The following DLGAP1 variants were observed in gnomAD, a reference collection of about 807,000 sequenced individuals.
DLGAP1 encodes DLG associated protein 1, also known as disks large-associated protein 1.
DLGAP1 carries 11 observed loss-of-function variants against 90.8 expected under a neutral mutation model. The ratio of observed to expected loss-of-function variants is 0.12; its 90% confidence interval spans 0.08 to 0.20. DLGAP1 has a LOEUF of 0.20. DLGAP1 is among the 10% of genes least tolerant of loss of function. The pLI is 1.00. For synonymous variants in DLGAP1, 558 were observed against 540.7 expected (o/e 1.03, Z -0.44); for missense variants, 1,050 against 1,333.8 (o/e 0.79, Z 3.31).
At chr18:3,567,675 A>G in intron 8 of DLGAP1, 94 bp from the exon 9 acceptor site, 1 of 1,114,750 alleles carries the variant, frequency 9.0e-7, no homozygotes, top group East Asian at 2.4e-5. Flanking sequence ...CTCTAATATG[A>G]CTGGAATGTT....
At chr18:3,842,705 A>T (rs1340135435) in intron 4 of DLGAP1, among the ~76,000 whole-genome samples, 1 of 152,118 alleles carries the variant, frequency 6.6e-6, no homozygotes, top group African/African-American at 2.4e-5. Context: ...AGCGTTAAAA[A>T]AAAGCATAGA....
intron 2 of DLGAP1, among the ~76,000 whole-genome samples, chr18:4,028,778 G>A (rs2074745137): frequency 6.6e-6 from 1 of 152,020 alleles, no homozygotes; most frequent in African/African-American, 2.4e-5. Flanking sequence ...CCCTTTTATT[G>A]TAAGCATTTG....
At chr18:4,062,742 A>C (rs994312662) in intron 2 of DLGAP1, among the ~76,000 whole-genome samples, 4 of 152,102 alleles carry the variant, frequency 2.6e-5, no homozygotes, top group African/African-American at 9.7e-5. Flanking sequence ...GGGAGAGAAA[A>C]ATTATGTTTC....
At position 3,977,804 on chromosome 18, in the gene DLGAP1, C is replaced by T. The variant is rs373205437; in HGVS notation, c.-73+27312G>A. Reference sequence around the variant, plus strand: ...TGGGTGATGCTGTTAAAGTCAGAGGCGACAACCTGGTGCTCAGTGTAGCCC... The same window carrying T: ...TGGGTGATGCTGTTAAAGTCAGAGGTGACAACCTGGTGCTCAGTGTAGCCC... On this transcript the variant is annotated intron_variant, in intron 3 of 12. Coordinates refer to ENST00000315677, the MANE Select transcript of DLGAP1 (RefSeq NM_004746.4). 62 of 385,596 alleles carry T rather than the reference C, an allele frequency of 1.6e-4. 2 individuals are homozygous for T. Among genetic ancestry groups the T allele is most frequent in the Middle Eastern group, 9.4e-4 (1 of 1,068 alleles). The allele number at this position is 385,596 out of a possible 1,614,324, so 23.9% of individuals were successfully genotyped here.
At chr18:3,735,194 T>C (rs1250874760) in intron 6 of DLGAP1, among the ~76,000 whole-genome samples, 3 of 152,144 alleles carry the variant, frequency 2.0e-5, no homozygotes, top group Non-Finnish European at 2.9e-5. Flanking sequence ...AGGAGTACTT[T>C]AAGGATAAAA....
chr18:3,658,775 A>G (rs2059584298), intron 7 of DLGAP1, among the ~76,000 whole-genome samples: 2 of 152,230 alleles, frequency 1.3e-5, no homozygotes, highest in South Asian at 2.1e-4. Flanking sequence ...TTTTTCAGCC[A>G]TATTCATTTT....
At chr18:4,007,583 G>A (rs2074329050) in intron 2 of DLGAP1, among the ~76,000 whole-genome samples, 1 of 152,158 alleles carries the variant, frequency 6.6e-6, no homozygotes, top group Non-Finnish European at 1.5e-5. Context: ...TTGAACCCAG[G>A]AGGCAGAGTT....
At chr18:3,784,549 G>A (rs1037512972) in intron 5 of DLGAP1, among the ~76,000 whole-genome samples, 1 of 152,004 alleles carries the variant, frequency 6.6e-6, no homozygotes, top group Non-Finnish European at 1.5e-5. Flanking sequence ...CCCAATCAAC[G>A]GCAACCCACC....
intron 11 of DLGAP1, among the ~76,000 whole-genome samples, chr18:3,506,513 C>CAAAA (rs11316330): frequency 2.7e-4 from 19 of 69,586 alleles, no homozygotes; most frequent in East Asian, 5.1e-4. Flanking sequence ...GACTCCGTCT[C>CAAAA]AAAAAAAAAA....
chr18:4,028,150 AG>A (rs1164569363), intron 2 of DLGAP1, among the ~76,000 whole-genome samples: 1 of 152,242 alleles, frequency 6.6e-6, no homozygotes, highest in Non-Finnish European at 1.5e-5. Flanking sequence ...TTCCTAGATG[AG>A]GGGCTGTTAT....
chr18:3,551,680 TCCCC>T lies in DLGAP1; in HGVS notation c.2057+15806_2057+15809del, dbSNP rs1408000793. Among the ~76,000 whole-genome samples, 18 of 14,072 alleles carry T rather than the reference TCCCC, an allele frequency of 1.3e-3. 6 individuals are homozygous for T. Among genetic ancestry groups the T allele is most frequent in the East Asian group, 4.3e-3 (2 of 462 alleles). The allele number at this position is 14,072 out of a possible 152,430, so 9.2% of individuals were successfully genotyped here. A position where few individuals can be genotyped will look rare whatever the true frequency, so the allele number is the denominator to read the frequency against. ...TGTCTCTTTCCTTCTTTCTTTTCCC[TCCCC>T]TCCCTCCCTCCCTCCCTCCCTCCCT... On this transcript the variant is annotated intron_variant, in intron 9 of 12. Coordinates refer to ENST00000315677, the MANE Select transcript of DLGAP1 (RefSeq NM_004746.4).
chr18:4,254,746 C>T (rs1406177544), intron 1 of DLGAP1, among the ~76,000 whole-genome samples: 1 of 152,270 alleles, frequency 6.6e-6, no homozygotes, highest in Admixed American at 6.5e-5. Flanking sequence ...ACTCTACTTC[C>T]TAATTCTCAG....
chr18:3,621,753 G>C (rs2058102040), intron 7 of DLGAP1, among the ~76,000 whole-genome samples: 1 of 152,208 alleles, frequency 6.6e-6, no homozygotes. Flanking sequence ...ACTAAACTTT[G>C]TTAAGCTTAA....
chr18:4,310,804 T>C (rs996609401), intron 1 of DLGAP1, among the ~76,000 whole-genome samples: 2 of 152,138 alleles, frequency 1.3e-5, no homozygotes, highest in East Asian at 3.9e-4. Flanking sequence ...TGCCAAAAGG[T>C]TCATTCATTC....
intron 2 of DLGAP1, among the ~76,000 whole-genome samples, chr18:4,134,876 G>A (rs1362012160): frequency 6.6e-6 from 1 of 151,990 alleles, no homozygotes; most frequent in Non-Finnish European, 1.5e-5. Flanking sequence ...CACACACAAT[G>A]CCTTCCTAGA....
At chr18:3,500,830 G>A (rs2049891007) in intron 12 of DLGAP1, among the ~76,000 whole-genome samples, 1 of 152,130 alleles carries the variant, frequency 6.6e-6, no homozygotes, top group South Asian at 2.1e-4. Flanking sequence ...GAATAACTCA[G>A]TGGATATTTT....
rs1252519172 is a variant in DLGAP1 at position 3,565,814 on chromosome 18, G to T, written c.2057+1676C>A. On this transcript the variant is annotated intron_variant, in intron 9 of 12. Coordinates refer to ENST00000315677, the MANE Select transcript of DLGAP1 (RefSeq NM_004746.4). This position sits in a 1 kb window ranked among gnomAD's most constrained non-coding sequence, Gnocchi z 4.0. ...TGCACCACTGCACCCCAGCCTGGGC[G>T]ACAGAGTGAGACTCTGTCTCAAAAA... is the stretch of plus-strand genomic sequence containing the variant. Among the ~76,000 whole-genome samples the T allele has an allele frequency of 6.6e-6, 1 of 151,814 alleles. No homozygotes were observed. Among genetic ancestry groups the T allele is most frequent in the East Asian group, 2.0e-4 (1 of 5,120 alleles).
rs547962019 is a variant in DLGAP1, at chr18:3,524,501, G to C, written c.2479+9693C>G. 1.1e-4 allele frequency among the ~76,000 whole-genome samples: 16 copies of C among 152,230 alleles called. 1 individual carries two copies. In the South Asian group the frequency reaches 3.3e-3, roughly 32 times the overall value. On this transcript the variant is annotated intron_variant, in intron 10 of 12. Coordinates refer to ENST00000315677, the MANE Select transcript of DLGAP1 (RefSeq NM_004746.4). Reference sequence around the variant, plus strand: ...AGTAACTATGTGAGATGACAGATATGTTAATTTGCTTCATAATAGTCACCA... The same window carrying C: ...AGTAACTATGTGAGATGACAGATATCTTAATTTGCTTCATAATAGTCACCA...
chr18:4,112,014 T>C (rs1011154544), intron 2 of DLGAP1, among the ~76,000 whole-genome samples: 1 of 151,632 alleles, frequency 6.6e-6, no homozygotes, highest in Non-Finnish European at 1.5e-5. Context: ...CATCTTAAGA[T>C]GGAAGATGGT....
Sources: gnomAD v4.1 joint callset for allele counts (sites outside exome capture counted in the v4.1 genomes callset) on GRCh38, gnomAD v4.1.1 for gene constraint, Gnocchi (gnomAD v3.1) non-coding constraint, MANE v1.5 for transcripts, NCBI Gene and HGNC (gene_info 2026-07-23, HGNC 2026-07-21) for gene names.